Variants in SPSB4 observed in about 807,000 individuals in gnomAD.
The protein encoded by SPSB4 is SPRY domain-containing SOCS box protein 4.
SPSB4 carries 21 observed loss-of-function variants against 20.9 expected under a neutral mutation model. The ratio of observed to expected loss-of-function variants is 1.01; its 90% CI spans 0.71 to 1.45. The LOEUF (loss-of-function observed/expected upper bound fraction) is 1.45, where lower values mean the gene tolerates loss of function less well. Ranked by LOEUF, SPSB4 falls within the 40% of genes most tolerant of loss-of-function variation. SPSB4 has a pLI of 0.00. For missense variants in SPSB4, 399 were observed against 399.2 expected, an observed-to-expected ratio of 1.00 and a Z score of 0.00; for synonymous variants, 207 against 183.8, an observed-to-expected ratio of 1.13 and a Z score of -1.02.
intron 2 of SPSB4, among the ~76,000 whole-genome samples, chr3:141,108,612 C>G (rs551322549): frequency 1.3e-5 from 2 of 152,146 alleles, no homozygotes; most frequent in African/African-American, 4.8e-5. Context: ...AGGATCAGAC[C>G]GAGGCCATGC....
intron 2 of SPSB4, among the ~76,000 whole-genome samples, chr3:141,073,723 C>T (rs1465303066): frequency 7.9e-5 from 12 of 152,236 alleles, no homozygotes; most frequent in Non-Finnish European, 1.3e-4. Flanking sequence ...TTTCTTTCCT[C>T]TGCCACAGGG....
rs1430225101 is a variant in SPSB4 at position 141,065,965 on chromosome 3, T to C, written c.-140T>C. 2 of 755,282 alleles carry C rather than the reference T, an allele frequency of 2.6e-6. No individual in the cohort carries two copies. Among genetic ancestry groups the C allele is most frequent in the Non-Finnish European group, 2.0e-6 (1 of 505,018 alleles). 46.8% of individuals were successfully genotyped at this position (755,282 alleles called of 1,614,324 possible). The stretch of plus-strand genomic sequence containing the variant: ...GCTTCCTTCCAGGAGCTTGGGCCCC[T>C]GCCGCAGCCCGGTAGAGGCTGTGGA... On this transcript the variant is annotated 5_prime_UTR_variant, in exon 2 of 3. Coordinates refer to ENST00000310546, the MANE Select transcript of SPSB4 (RefSeq NM_080862.3).
At chr3:141,121,860 C>T (rs532710755) in intron 2 of SPSB4, among the ~76,000 whole-genome samples, 3 of 152,296 alleles carry the variant, frequency 2.0e-5, no homozygotes, top group Admixed American at 6.5e-5. Context: ...GGTTAGAACA[C>T]GCTCCTTTAG....
chr3:141,058,461 G>C (rs1937699349), intron 1 of SPSB4, among the ~76,000 whole-genome samples: 1 of 152,190 alleles, frequency 6.6e-6, no homozygotes, highest in Non-Finnish European at 1.5e-5. Flanking sequence ...AAAAGTGACG[G>C]AGGCATCCTT....
At position 141,124,535 on chromosome 3, in the gene SPSB4, T is replaced by C. The variant is rs186128731; in HGVS notation, c.695-22607T>C. ...AGCAGCAGGTGTGAGCTGTGTTTCA[T>C]GGGGACAGGGAAGGGCAAGGAGACC... is the stretch of plus-strand genomic sequence containing the variant. On this transcript the variant is annotated intron_variant, in intron 2 of 2. Coordinates refer to ENST00000310546, the MANE Select transcript of SPSB4 (RefSeq NM_080862.3). Among the ~76,000 whole-genome samples the C allele has an allele frequency of 8.2e-3, 1,242 of 152,200 alleles. 7 individuals carry two copies. The highest frequency in any genetic ancestry group is 0.02 in the Middle Eastern group (6 of 294).
intron 2 of SPSB4, among the ~76,000 whole-genome samples, chr3:141,142,940 C>G (rs1324167154): frequency 6.6e-6 from 1 of 150,942 alleles, no homozygotes. Flanking sequence ...CCTCAGCCTC[C>G]CGAGTAGCTG....
intron 2 of SPSB4, among the ~76,000 whole-genome samples, chr3:141,140,422 T>C (rs576160431): frequency 3.7e-4 from 57 of 152,228 alleles, no homozygotes; most frequent in Non-Finnish European, 7.6e-4. Flanking sequence ...TTTTAGAGTT[T>C]CCAGTTTTTC....
chr3:141,125,821 C>T (rs1457222809), intron 2 of SPSB4, among the ~76,000 whole-genome samples: 2 of 152,198 alleles, frequency 1.3e-5, no homozygotes, highest in African/African-American at 4.8e-5. Context: ...GACTTTGTGA[C>T]TTGGTTTCCT....
At chr3:141,132,287 C>A (rs1939146849) in intron 2 of SPSB4, 2 of 379,052 alleles carry the variant, frequency 5.3e-6, no homozygotes, top group Non-Finnish European at 1.0e-5. Context: ...TCTGCCTCAG[C>A]TTCCCGAGTA....
chr3:141,142,171 G>A (rs532076644), intron 2 of SPSB4, among the ~76,000 whole-genome samples: 3 of 152,294 alleles, frequency 2.0e-5, no homozygotes, highest in East Asian at 3.9e-4. Context: ...TTTGATGTAA[G>A]CATTTAATGC....
rs2107771980 is a variant in SPSB4, at chr3:141,051,984, T to A, written c.-162T>A. On this transcript the variant is annotated 5_prime_UTR_variant, in exon 1 of 3. Coordinates refer to ENST00000310546, the MANE Select transcript of SPSB4 (RefSeq NM_080862.3). ...TCTTCCCGAACAGGCGCTTGCCCTC[T>A]CTTTTATGGTAAGTACTCTCCAGCT... 1 of 152,356 alleles carries A rather than the reference T, an allele frequency of 6.6e-6. No individual in the cohort carries two copies. Among genetic ancestry groups the A allele is most frequent in the South Asian group, 2.1e-4 (1 of 4,826 alleles). The allele number at this position is 152,356 out of a possible 1,614,324, so 9.4% of individuals were successfully genotyped here.
At chr3:141,122,646 A>G (rs968178622) in intron 2 of SPSB4, among the ~76,000 whole-genome samples, 8 of 152,216 alleles carry the variant, frequency 5.3e-5, no homozygotes, top group African/African-American at 1.9e-4. Context: ...AGCTTCAGCA[A>G]TGGCGGACAA....
intron 2 of SPSB4, among the ~76,000 whole-genome samples, chr3:141,116,347 C>T (rs139006813): frequency 2.6e-5 from 4 of 152,244 alleles, no homozygotes; most frequent in African/African-American, 9.6e-5. Flanking sequence ...TGCTGCCCCC[C>T]ACTAGGCAGG....
At chr3:141,054,535 G>C (rs1235308819) in intron 1 of SPSB4, among the ~76,000 whole-genome samples, 1 of 152,214 alleles carries the variant, frequency 6.6e-6, no homozygotes, top group African/African-American at 2.4e-5. Flanking sequence ...AACAGTTGTG[G>C]GTGGTGTGCC....
Position 141,075,892 on chromosome 3 carries a change from C to CAAAAAAAAAAAAAAAA in SPSB4, c.694+9101_694+9116dup, listed in dbSNP as rs532646509. ...CGAAACCCTGTCTCTACTAAAAATA[C>CAAAAAAAAAAAAAAAA]AAAAAAAAAAAAAAAAAAAAAAGCC... On this transcript the variant is annotated intron_variant, in intron 2 of 2. Coordinates refer to ENST00000310546, the MANE Select transcript of SPSB4 (RefSeq NM_080862.3). 2.9e-5 allele frequency among the ~76,000 whole-genome samples: 2 copies of CAAAAAAAAAAAAAAAA among 68,836 alleles called. 1 individual carries two copies. Among genetic ancestry groups the CAAAAAAAAAAAAAAAA allele is most frequent in the African/African-American group, 7.1e-5 (2 of 28,090 alleles). The allele number at this position is 68,836 out of a possible 152,430, so 45.2% of individuals were successfully genotyped here.
chr3:141,086,060 T>C (rs1293440882), intron 2 of SPSB4, among the ~76,000 whole-genome samples: 1 of 152,216 alleles, frequency 6.6e-6, no homozygotes, highest in African/African-American at 2.4e-5. Context: ...ATGTCACTAA[T>C]GTAGCTGCAG....
intron 2 of SPSB4, among the ~76,000 whole-genome samples, chr3:141,086,478 T>G (rs1163986645): frequency 6.6e-6 from 1 of 152,230 alleles, no homozygotes; most frequent in African/African-American, 2.4e-5. Flanking sequence ...TATGGGGCTG[T>G]TTTGAGGCCT....
chr3:141,114,117 G>A (rs1217248411), intron 2 of SPSB4, among the ~76,000 whole-genome samples: 4 of 152,192 alleles, frequency 2.6e-5, no homozygotes, highest in Non-Finnish European at 5.9e-5. Flanking sequence ...TTAATTTCAT[G>A]TTATGTAAAC....
intron 2 of SPSB4, among the ~76,000 whole-genome samples, chr3:141,132,717 T>C (rs1236701068): frequency 6.6e-6 from 1 of 152,198 alleles, no homozygotes; most frequent in African/African-American, 2.4e-5. Flanking sequence ...GCATTTAGGC[T>C]GTTTCCATAA....
Sources: allele counts gnomAD v4.1 joint callset (sites outside exome capture counted in the v4.1 genomes callset), GRCh38; gene constraint gnomAD v4.1.1; transcripts MANE v1.5; gene names NCBI Gene and HGNC (gene_info 2026-07-23, HGNC 2026-07-21).